The following PHF21A variants were observed in gnomAD, a reference collection of about 807,000 sequenced individuals.
The protein encoded by PHF21A is PHD finger protein 21A.
PHF21A carries 11 observed loss-of-function variants against 82.5 expected under a neutral mutation model. That is an observed-to-expected ratio of 0.13 (90% confidence interval 0.08 to 0.22). The LOEUF is 0.22. Ranked by LOEUF, PHF21A falls within the 10% of genes least tolerant of loss-of-function variation. PHF21A has a pLI of 1.00. For missense variants in PHF21A, 579 were observed against 837.8 expected (o/e 0.69, Z 3.81); for synonymous variants, 297 against 302.8 (o/e 0.98, Z 0.20).
intron 6 of PHF21A, among the ~76,000 whole-genome samples, chr11:46,006,149 T>C (rs1198611532): frequency 6.6e-6 from 1 of 152,228 alleles, no homozygotes; most frequent in Non-Finnish European, 1.5e-5. Context: ...GACAAGTAGA[T>C]CACTGTTGAC....
At chr11:45,938,523 C>G (rs2089646047) in intron 15 of PHF21A, among the ~76,000 whole-genome samples, 1 of 152,158 alleles carries the variant, frequency 6.6e-6, no homozygotes, top group Admixed American at 6.5e-5. Context: ...AATAGTCCCC[C>G]CTTATCCTTG....
chr11:45,989,016 CA>C (rs1424411281), intron 6 of PHF21A, among the ~76,000 whole-genome samples: 12 of 152,146 alleles, frequency 7.9e-5, no homozygotes, highest in South Asian at 6.2e-4. Context: ...AAAAAATGAA[CA>C]ATGTTATAAA....
rs544256086 is a variant in PHF21A, at chr11:45,956,007, T to C, written c.997-2382A>G. Among the ~76,000 whole-genome samples the C allele has an allele frequency of 7.6e-4, 115 of 152,310 alleles. 1 individual carries two copies. The highest frequency in any genetic ancestry group is 1.6e-4 in the Non-Finnish European group (11 of 68,036). The stretch of plus-strand genomic sequence containing the variant: ...AACTAAGTTGCAGACCAGAAGGAAA[T>C]GGGTTAATATATTTAAAGTGCTGAG... On this transcript the variant is annotated intron_variant, in intron 10 of 18. Transcript: ENST00000676320.
chr11:46,004,607 T>C (rs2095247347), intron 6 of PHF21A, among the ~76,000 whole-genome samples: 1 of 152,194 alleles, frequency 6.6e-6, no homozygotes, highest in African/African-American at 2.4e-5. Flanking sequence ...AGAACTGTGC[T>C]CATTTGACCT....
chr11:46,078,153 G>A (rs917044752), intron 5 of PHF21A, among the ~76,000 whole-genome samples: 4 of 152,162 alleles, frequency 2.6e-5, no homozygotes, highest in Non-Finnish European at 1.5e-5. Flanking sequence ...AGTTTCTCAC[G>A]GAAGTAGGAT....
intron 9 of PHF21A, among the ~76,000 whole-genome samples, chr11:45,966,809 G>C (rs1360376329): frequency 6.6e-6 from 1 of 152,050 alleles, no homozygotes; most frequent in Non-Finnish European, 1.5e-5. Flanking sequence ...AGTACGGACA[G>C]GGTTTCACCA....
intron 6 of PHF21A, chr11:46,027,043 C>T (rs2095760328): frequency 6.6e-6 from 1 of 152,174 alleles, no homozygotes; most frequent in African/African-American, 2.4e-5. Flanking sequence ...CACACACGCA[C>T]ACATGCACGC....
chr11:45,997,614 A>G (rs2094953227), intron 6 of PHF21A, among the ~76,000 whole-genome samples: 1 of 152,170 alleles, frequency 6.6e-6, no homozygotes, highest in Non-Finnish European at 1.5e-5. Context: ...CTTTCACTAA[A>G]TGCTTGTTTT....
intron 6 of PHF21A, among the ~76,000 whole-genome samples, chr11:46,007,225 C>T (rs958079189): frequency 6.6e-6 from 1 of 152,174 alleles, no homozygotes; most frequent in African/African-American, 2.4e-5. Context: ...GAGAAAAGGG[C>T]CCCCTGTCTT....
In PHF21A at chr11:45,933,235, C is replaced by A. The variant is rs2087901197; in HGVS notation, c.*733G>T. On this transcript the variant is annotated 3_prime_UTR_variant, in exon 19 of 19. Coordinates refer to ENST00000676320, the MANE Select transcript of PHF21A (RefSeq NM_001352027.3). ...GCGGGATAACCACGGAGATGCGCGACTCACCAAGCAGGGAAGGAAGGAGAC... is the reference window on the plus strand; with the variant it reads ...GCGGGATAACCACGGAGATGCGCGAATCACCAAGCAGGGAAGGAAGGAGAC... The A allele has an allele frequency of 1.3e-5, 2 of 152,670 alleles. No homozygotes were observed. The highest frequency in any genetic ancestry group is 2.9e-5 in the Non-Finnish European group (2 of 68,052). The allele number at this position is 152,670 out of a possible 1,614,324, so 9.5% of individuals were successfully genotyped here.
At chr11:45,978,578 T>G (rs2094147443) in intron 7 of PHF21A, among the ~76,000 whole-genome samples, 1 of 152,206 alleles carries the variant, frequency 6.6e-6, no homozygotes, top group Admixed American at 6.5e-5. Flanking sequence ...AAAGACACAG[T>G]GAAGACCTGG....
chr11:46,098,612 A>G (rs2097040207), intron 1 of PHF21A, among the ~76,000 whole-genome samples: 1 of 152,214 alleles, frequency 6.6e-6, no homozygotes, highest in Non-Finnish European at 1.5e-5. Context: ...GATCATAACG[A>G]AAACTTCTTA....
chr11:46,061,437 C>G (rs1171120603), intron 6 of PHF21A, among the ~76,000 whole-genome samples: 1 of 152,122 alleles, frequency 6.6e-6, no homozygotes, highest in East Asian at 1.9e-4. Context: ...ATATTTAAGG[C>G]TTGTATTATT....
chr11:46,014,979 CA>C (rs35525494), intron 6 of PHF21A, among the ~76,000 whole-genome samples: 30 of 21,598 alleles, frequency 1.4e-3, no homozygotes, highest in Non-Finnish European at 1.7e-3. Context: ...GACTCCGTCT[CA>C]AAAAAAAAAA....
intron 6 of PHF21A, among the ~76,000 whole-genome samples, chr11:46,032,919 T>G (rs556258244): frequency 6.6e-6 from 1 of 152,318 alleles, no homozygotes; most frequent in South Asian, 2.1e-4. Flanking sequence ...TATACATACA[T>G]GTACATATAA....
chr11:46,078,420 A>C (rs2096753633), intron 5 of PHF21A, among the ~76,000 whole-genome samples: 1 of 152,226 alleles, frequency 6.6e-6, no homozygotes, highest in Non-Finnish European at 1.5e-5. Flanking sequence ...CTCCATACTT[A>C]TGACCTAGTA....
rs1374097186 is a variant in PHF21A at position 45,979,891 on chromosome 11, A to G, written c.229T>C (p.Leu77=). 6.2e-7 allele frequency: 1 copy of G among 1,614,174 alleles called. No individual in the cohort carries two copies. The highest frequency in any genetic ancestry group is 8.5e-7 in the Non-Finnish European group (1 of 1,180,026). ...EQPDKFQIQP[L]PQSENKLQTA... ...TGTAGTTTGTTTTCAGATTGTGGCA[A>G]TGGCTGTATTTGGAACTTGTCCGGT... The change falls in exon 7 of 19, where the codon TTG becomes CTG. Residue 77 remains leucine, a synonymous_variant. Transcript: ENST00000676320.
At chr11:46,095,073 C>T (rs544907190) in intron 1 of PHF21A, among the ~76,000 whole-genome samples, 12 of 151,968 alleles carry the variant, frequency 7.9e-5, no homozygotes, top group African/African-American at 2.7e-4. Context: ...GGTTCACATA[C>T]CCAAAAAGAG....
chr11:46,026,430 T>G (rs2095747519), intron 6 of PHF21A, among the ~76,000 whole-genome samples: 3 of 152,154 alleles, frequency 2.0e-5, no homozygotes, highest in Non-Finnish European at 4.4e-5. Flanking sequence ...ATCCTTTGCA[T>G]AAACAGGTGT....
Sources: gnomAD v4.1 joint callset for allele counts (sites outside exome capture counted in the v4.1 genomes callset) on GRCh38, gnomAD v4.1.1 for gene constraint, MANE v1.5 for transcripts, NCBI Gene and HGNC (gene_info 2026-07-23, HGNC 2026-07-21) for gene names.